MICU3: variants seen among roughly 807,000 people sequenced by gnomAD.
The protein encoded by MICU3 is mitochondrial calcium uptake 3.
A neutral mutation model predicts 66.5 loss-of-function variants in MICU3; 62 were observed. The ratio of observed to expected loss-of-function variants is 0.93; its 90% confidence interval spans 0.76 to 1.15. The LOEUF is 1.15. Ranked by LOEUF, MICU3 falls within the 50% of genes most tolerant of loss-of-function variation. MICU3 has a pLI of 0.00. For synonymous variants in MICU3, 308 were observed against 240.7 expected (o/e 1.28, Z -2.59); for missense variants, 779 against 664.4 (o/e 1.17, Z -1.90).
chr8:17,132,902 T>C, the MICU3 span: 1 of 152,014 alleles, frequency 6.6e-6, no homozygotes, highest in Admixed American at 6.6e-5. Flanking sequence ...GTCATGAGAG[T>C]GGAACCCTCA....
At chr8:17,048,207 ATATT>A (rs1465185571) in intron 1 of MICU3, among the ~76,000 whole-genome samples, 1 of 152,246 alleles carries the variant, frequency 6.6e-6, no homozygotes, top group Non-Finnish European at 1.5e-5. Flanking sequence ...TTCATTTAAA[ATATT>A]TAATAAAATA....
chr8:17,081,918 A>G (rs1821245181), intron 5 of MICU3, 178 bp downstream of exon 5: 1 of 463,346 alleles, frequency 2.2e-6, no homozygotes, highest in Admixed American at 4.3e-5. Context: ...AAAAACATAA[A>G]TGCTACAGCT....
At chr8:17,061,425 G>A (rs1817805338) in intron 1 of MICU3, among the ~76,000 whole-genome samples, 1 of 152,106 alleles carries the variant, frequency 6.6e-6, no homozygotes, top group Admixed American at 6.6e-5. Context: ...ACAGGGTTTG[G>A]TAAGCTGGGG....
At chr8:17,049,446 G>C (rs560834632) in intron 1 of MICU3, among the ~76,000 whole-genome samples, 1 of 152,126 alleles carries the variant, frequency 6.6e-6, no homozygotes, top group Non-Finnish European at 1.5e-5. Flanking sequence ...TTGATTCTGT[G>C]GGCCAAGGGA....
the MICU3 span, chr8:17,131,954 A>G: frequency 6.6e-6 from 1 of 152,208 alleles, no homozygotes; most frequent in Admixed American, 6.5e-5. Flanking sequence ...CTCACTGTCC[A>G]TATATACCTT....
chr8:17,136,453 C>T, the MICU3 span, among the ~76,000 whole-genome samples: 67 of 152,164 alleles, frequency 4.4e-4, no homozygotes, highest in African/African-American at 1.6e-3. Context: ...AGAAGGGCTC[C>T]ACATATGGGT....
intron 1 of MICU3, among the ~76,000 whole-genome samples, chr8:17,044,190 A>C (rs1814682590): frequency 6.6e-6 from 1 of 152,158 alleles, no homozygotes; most frequent in Admixed American, 6.5e-5. Context: ...TGTTCAGTAG[A>C]GTGGTCAAAA....
At chr8:17,064,310 GTATAAGT>G in intron 2 of MICU3, 73 bp downstream of exon 2, 3 of 1,216,124 alleles carry the variant, frequency 2.5e-6, no homozygotes, top group Admixed American at 4.5e-5. Context: ...GGATGGAGCA[GTATAAGT>G]TTTTTAGAAG....
intron 11 of MICU3, 50 bp downstream of exon 11, chr8:17,105,634 G>A (rs1304486826): frequency 1.7e-6 from 2 of 1,147,610 alleles, no homozygotes; most frequent in East Asian, 2.6e-5. Context: ...TGCAATACGT[G>A]CCTCTAAAAC....
chr8:17,092,523 T>G (rs1800183379), intron 8 of MICU3, among the ~76,000 whole-genome samples: 2 of 152,130 alleles, frequency 1.3e-5, no homozygotes, highest in South Asian at 4.1e-4. Context: ...AGAAATCAGC[T>G]TTTTCTCATG....
chr8:17,138,169 T>C, the MICU3 span, among the ~76,000 whole-genome samples: 1 of 152,138 alleles, frequency 6.6e-6, no homozygotes, highest in Admixed American at 6.6e-5. Flanking sequence ...TAAAGAGTTA[T>C]GATGTCTGAT....
the MICU3 span, chr8:17,131,827 C>T: frequency 1.3e-5 from 2 of 152,134 alleles, no homozygotes; most frequent in Admixed American, 1.3e-4. Flanking sequence ...GGCTAGCTAG[C>T]AAAGGAGAAA....
chr8:17,126,849 T>A (rs1011021152), downstream of MICU3, among the ~76,000 whole-genome samples: 4 of 152,126 alleles, frequency 2.6e-5, no homozygotes, highest in Non-Finnish European at 4.4e-5. Context: ...AAGGAAAGAA[T>A]TGAGAAAGGA....
chr8:17,074,017 T>G (rs1055195033), intron 3 of MICU3, among the ~76,000 whole-genome samples: 1 of 151,962 alleles, frequency 6.6e-6, no homozygotes, highest in Non-Finnish European at 1.5e-5. Context: ...ACTGTCATTC[T>G]CTCATGAGTG....
the MICU3 span, among the ~76,000 whole-genome samples, chr8:17,129,889 A>G: frequency 6.6e-6 from 1 of 152,252 alleles, no homozygotes; most frequent in South Asian, 2.1e-4. Context: ...AAAGATATAT[A>G]CAAGGGTAAT....
chr8:17,131,120 A>T, the MICU3 span: 11 of 152,380 alleles, frequency 7.2e-5, no homozygotes, highest in African/African-American at 1.9e-4. Context: ...CATTTAAACA[A>T]GGAAATTTTA....
the MICU3 span, among the ~76,000 whole-genome samples, chr8:17,136,756 G>A: frequency 6.6e-6 from 1 of 152,012 alleles, no homozygotes; most frequent in East Asian, 1.9e-4. Flanking sequence ...GAGCATGGTG[G>A]AAGCCATTCT....
At position 17,116,456 on chromosome 8, in the gene MICU3, T is replaced by C; in HGVS notation, c.1380T>C (p.Arg460=). ...SRSIGQDEFK[R]AVYVATGLKF... is the part of the protein sequence containing the mutation. ...ACATTTATCTAGATGAATTTAAACG[T>C]GCCGTCTATGTAGCTACTGGACTCA... Residue 460 remains arginine (R), a synonymous_variant, in exon 13 of 15, where the codon CGT becomes CGC. Coordinates refer to ENST00000318063, the MANE Select transcript of MICU3 (RefSeq NM_181723.3). 6.8e-7 allele frequency: 1 copy of C among 1,479,506 alleles called. No individual in the cohort carries two copies. Among genetic ancestry groups the C allele is most frequent in the Non-Finnish European group, 8.9e-7 (1 of 1,118,042 alleles). 91.6% of individuals were successfully genotyped at this position (1,479,506 alleles called of 1,614,324 possible).
rs1038513144 is a variant in MICU3 at position 17,105,309 on chromosome 8, A to T, written c.1086-104A>T. On this transcript the variant is annotated intron_variant, in intron 10 of 14. Coordinates refer to ENST00000318063, the MANE Select transcript of MICU3 (RefSeq NM_181723.3). The stretch of plus-strand genomic sequence containing the variant: ...TTATTAATCTTTGCATCATCATACA[A>T]TTATTTCCATATAACCTTTTCTAGG... 20 of 647,232 alleles carry T rather than the reference A, an allele frequency of 3.1e-5. No homozygotes were observed. In the African/African-American group the frequency reaches 3.5e-4, roughly 11 times the overall value. The allele number at this position is 647,232 out of a possible 1,614,324, so 40.1% of individuals were successfully genotyped here. A position where few individuals can be genotyped will look rare whatever the true frequency, so the allele number is the denominator to read the frequency against.
Sources: gnomAD v4.1 joint callset for allele counts (sites outside exome capture counted in the v4.1 genomes callset) on GRCh38, gnomAD v4.1.1 for gene constraint, MANE v1.5 for transcripts, NCBI Gene and HGNC (gene_info 2026-07-23, HGNC 2026-07-21) for gene names.